The following CABP1 variants were observed in gnomAD, a reference collection of about 807,000 sequenced individuals.
The protein encoded by CABP1 is calcium binding protein 1.
Under a neutral mutation model 34.3 loss-of-function variants are expected in CABP1, and 17 were observed. The ratio of observed to expected loss-of-function variants is 0.50; its 90% CI spans 0.34 to 0.74. CABP1 has a LOEUF of 0.74. Ranked by LOEUF, CABP1 falls within the 30% of genes least tolerant of loss-of-function variation. The pLI is 0.01. For synonymous variants in CABP1, 198 were observed against 229.2 expected, an observed-to-expected ratio of 0.86 and a Z score of 1.23; for missense variants, 373 against 511.1, an observed-to-expected ratio of 0.73 and a Z score of 2.61.
At chr12:120,658,441 G>C (rs190024408) in intron 1 of CABP1, among the ~76,000 whole-genome samples, 64 of 152,170 alleles carry the variant, frequency 4.2e-4, no homozygotes, top group African/African-American at 1.5e-3. Context: ...TCATCTCAGA[G>C]ACACGCCTCC....
At chr12:120,659,407 T>C (rs931691694) in intron 1 of CABP1, 1 of 154,260 alleles carries the variant, frequency 6.5e-6, no homozygotes, top group African/African-American at 2.4e-5. Context: ...GGTGCTCTCT[T>C]TTCCCTGTTG....
intron 1 of CABP1, among the ~76,000 whole-genome samples, chr12:120,647,178 C>T (rs1201081260): frequency 6.6e-6 from 1 of 152,084 alleles, no homozygotes; most frequent in African/African-American, 2.4e-5. Context: ...CACGCTTGGC[C>T]CTTTAATACC....
At chr12:120,650,512 C>T in intron 1 of CABP1, 1 of 1,577,222 alleles carries the variant, frequency 6.3e-7, no homozygotes. Context: ...CACATCCGTC[C>T]TGGAGGAAGA....
chr12:120,642,333 G>A (rs1296403073), intron 1 of CABP1, among the ~76,000 whole-genome samples: 2 of 152,158 alleles, frequency 1.3e-5, no homozygotes, highest in African/African-American at 4.8e-5. Context: ...CTGAGATCTA[G>A]CATAAAGAAG....
intron 5 of CABP1, among the ~76,000 whole-genome samples, chr12:120,664,539 G>A (rs542343218): frequency 2.2e-4 from 34 of 152,192 alleles, no homozygotes; most frequent in African/African-American, 4.1e-4. Context: ...ATAAATAAAC[G>A]GGGGCACATC....
Position 120,661,271 on chromosome 12 carries a change from G to A in CABP1, c.1087+53G>A. ...AGCAAGCCAGCAGTGGCCATCCATG[G>A]AGCCCTCCAATTGTGTATCCATCAT... On this transcript the variant is annotated intron_variant, in intron 5 of 5. Transcript: ENST00000316803. The surrounding 1 kb of genome is among the most constrained non-coding windows in gnomAD (Gnocchi z 5.1). The A allele has an allele frequency of 6.3e-7, 1 of 1,578,622 alleles. No individual in the cohort carries two copies. The highest frequency in any genetic ancestry group is 1.9e-4 in the Middle Eastern group (1 of 5,360).
chr12:120,650,429 C>T, intron 1 of CABP1: 7 of 1,315,974 alleles, frequency 5.3e-6, no homozygotes, highest in Non-Finnish European at 7.0e-6. Context: ...ACACACAATC[C>T]ACCCAAAAAA....
At chr12:120,663,393 G>A (rs1880776652) in intron 5 of CABP1, among the ~76,000 whole-genome samples, 1 of 152,158 alleles carries the variant, frequency 6.6e-6, no homozygotes, top group Admixed American at 6.5e-5. Context: ...TTGTGGCTCA[G>A]CCTCCCGAGT....
the CABP1 span, among the ~76,000 whole-genome samples, chr12:120,679,487 G>A: frequency 6.6e-6 from 1 of 152,202 alleles, no homozygotes; most frequent in African/African-American, 2.4e-5. Context: ...AAGCTGCTCT[G>A]TCAGGACCTG....
At position 120,640,771 on chromosome 12, in the gene CABP1, A is replaced by G. The variant is rs1879275958; in HGVS notation, c.86A>G (p.Glu29Gly). The stretch of plus-strand genomic sequence containing the variant: ...GTCCTCGGGCTTGGCTCCCGCCGGG[A>G]GCCCCGTTCTCTGCCCGCCGGGGGC... ...QRVLGLGSRR[E>G]PRSLPAGGPA... is the part of the protein sequence containing the mutation. Residue 29 changes from glutamate to glycine, a missense_variant, in exon 1 of 6, where the codon GAG (glutamate) becomes GGG (glycine). Coordinates refer to ENST00000316803, the MANE Select transcript of CABP1 (RefSeq NM_001033677.2). This position sits in a 1 kb window ranked among gnomAD's most constrained non-coding sequence, Gnocchi z 6.2. 8.7e-7 allele frequency: 1 copy of G among 1,151,410 alleles called. No homozygotes were observed. The highest frequency in any genetic ancestry group is 1.1e-6 in the Non-Finnish European group (1 of 937,220). 71.3% of individuals were successfully genotyped at this position (1,151,410 alleles called of 1,614,324 possible).
intron 1 of CABP1, among the ~76,000 whole-genome samples, chr12:120,650,879 C>T (rs1271183220): frequency 7.7e-6 from 1 of 130,552 alleles, no homozygotes; most frequent in African/African-American, 2.5e-5. Flanking sequence ...GCATGGCGGT[C>T]GGGGTGAAAC....
rs1371062232 is a variant in CABP1, at chr12:120,641,136, G to A, written c.451G>A (p.Ala151Thr). 1.6e-6 allele frequency: 2 copies of A among 1,232,816 alleles called. No homozygotes were observed. The highest frequency in any genetic ancestry group is 1.6e-5 in the African/African-American group (1 of 63,910). The allele number at this position is 1,232,816 out of a possible 1,614,324, so 76.4% of individuals were successfully genotyped here. A position where few individuals can be genotyped will look rare whatever the true frequency, so the allele number is the denominator to read the frequency against. Residue 151 changes from alanine to threonine, a missense_variant, in exon 1 of 6, where the codon GCC (alanine) becomes ACC (threonine). This residue lies in a region of CABP1 where 121 missense variants were observed against 125.5 expected (regional missense o/e 0.96). Transcript: ENST00000316803. The surrounding 1 kb of genome is among the most constrained non-coding windows in gnomAD (Gnocchi z 6.7). ...AHCRPREALP[A>T]AASRPSPSSP... ...CTGCAGGCCCCGGGAGGCGCTGCCG[G>A]CCGCGGCGTCCCGACCTTCGCCGTC...
chr12:120,654,975 G>A (rs1880084836), intron 1 of CABP1, among the ~76,000 whole-genome samples: 1 of 152,188 alleles, frequency 6.6e-6, no homozygotes, highest in African/African-American at 2.4e-5. Context: ...GCGGGAGGGA[G>A]GAAAAGGAGA....
At chr12:120,656,456 G>GATA (rs386377937) in intron 1 of CABP1, among the ~76,000 whole-genome samples, 2 of 151,896 alleles carry the variant, frequency 1.3e-5, no homozygotes, top group African/African-American at 2.4e-5. Flanking sequence ...TAATGATGAT[G>GATA]ATAATAATAA....
chr12:120,657,387 G>A (rs1880297450), intron 1 of CABP1, among the ~76,000 whole-genome samples: 2 of 152,178 alleles, frequency 1.3e-5, no homozygotes, highest in South Asian at 2.1e-4. Flanking sequence ...CCTGTGAGGT[G>A]GGTACTGGTA....
chr12:120,660,353 C>T lies in CABP1; in HGVS notation c.829+14C>T, dbSNP rs761316307. On this transcript the variant is annotated intron_variant, in intron 3 of 5. Transcript: ENST00000316803. This position sits in a 1 kb window ranked among gnomAD's most constrained non-coding sequence, Gnocchi z 5.0. ...TCAACATGAACCGTGAGTCCCTCTA[C>T]CAGGCATCTGCGTCCCTTCGGTCCT... The T allele has an allele frequency of 1.2e-6, 2 of 1,610,644 alleles. No homozygotes were observed. The highest frequency in any genetic ancestry group is 1.7e-6 in the Non-Finnish European group (2 of 1,179,262).
chr12:120,641,134 C>G lies in CABP1; in HGVS notation c.449C>G (p.Pro150Arg), dbSNP rs1879299607. ...CACTGCAGGCCCCGGGAGGCGCTGC[C>G]GGCCGCGGCGTCCCGACCTTCGCCG... ...QAHCRPREAL[P>R]AAASRPSPSS... Residue 150 changes from proline (P) to arginine (R), a missense_variant, in exon 1 of 6, where the codon CCG becomes CGG. Transcript: ENST00000316803. The surrounding 1 kb of genome is among the most constrained non-coding windows in gnomAD (Gnocchi z 6.7). 1.6e-6 allele frequency: 2 copies of G among 1,231,990 alleles called. No homozygotes were observed. Among genetic ancestry groups the G allele is most frequent in the Non-Finnish European group, 2.0e-6 (2 of 989,732 alleles). The allele number at this position is 1,231,990 out of a possible 1,614,324, so 76.3% of individuals were successfully genotyped here.
rs781106094 is a variant in CABP1, at chr12:120,660,271, T to G, written c.761T>G (p.Met254Arg). 1 of 1,614,014 alleles carries G rather than the reference T, an allele frequency of 6.2e-7. No homozygotes were observed. Among genetic ancestry groups the G allele is most frequent in the African/African-American group, 1.3e-5 (1 of 74,928 alleles). ...AACTGCCGGGATCTGGGCAACTGCA[T>G]GCGCACCATGGGCTACATGCCCACC... is the stretch of plus-strand genomic sequence containing the variant. ...YINCRDLGNC[M>R]RTMGYMPTEM... Residue 254 changes from methionine to arginine, a missense_variant, in exon 3 of 6, where the codon ATG becomes AGG. Coordinates refer to ENST00000316803, the MANE Select transcript of CABP1 (RefSeq NM_001033677.2). This position sits in a 1 kb window ranked among gnomAD's most constrained non-coding sequence, Gnocchi z 5.0.
the CABP1 span, among the ~76,000 whole-genome samples, chr12:120,680,427 C>T: frequency 6.6e-6 from 1 of 152,158 alleles, no homozygotes; most frequent in Non-Finnish European, 1.5e-5. Context: ...GAGGGCAAGT[C>T]CTCCATCCTG....
Sources: allele counts gnomAD v4.1 joint callset (sites outside exome capture counted in the v4.1 genomes callset), GRCh38; gene constraint gnomAD v4.1.1; regional missense constraint gnomAD v4.1.1; non-coding constraint Gnocchi (gnomAD v3.1); transcripts MANE v1.5; gene names NCBI Gene and HGNC (gene_info 2026-07-23, HGNC 2026-07-21).